The following TTLL11 variants were observed in gnomAD, a reference collection of about 807,000 sequenced individuals.
TTLL11 encodes the protein tubulin tyrosine ligase like 11.
Under a neutral mutation model 51.7 loss-of-function variants are expected in TTLL11, and 42 were observed. The ratio of observed to expected loss-of-function variants is 0.81; its 90% CI spans 0.64 to 1.05. The LOEUF is 1.05. Among genes scored for constraint, TTLL11 ranks in the 50% least tolerant of loss-of-function variants. The pLI is 0.00. For missense variants in TTLL11, 799 were observed against 940.4 expected, an observed-to-expected ratio of 0.85 and a Z score of 1.97; for synonymous variants, 381 against 383.5, an observed-to-expected ratio of 0.99 and a Z score of 0.08.
At chr9:122,005,580 C>T (rs1843618304) in intron 3 of TTLL11, among the ~76,000 whole-genome samples, 1 of 152,204 alleles carries the variant, frequency 6.6e-6, no homozygotes, top group South Asian at 2.1e-4. Flanking sequence ...GAACTCAGGC[C>T]ACTTCCCCAG....
At chr9:121,917,609 GAGGGAGGGAAGGGGAGGGAAGGGAGGGA>G (rs1840385199) in intron 6 of TTLL11, among the ~76,000 whole-genome samples, 1 of 142,856 alleles carries the variant, frequency 7.0e-6, no homozygotes, top group African/African-American at 2.6e-5. Context: ...AGAAGGAAGG[GAGGGAGGGAAGGGGAGGGAAGGGAGGGA>G]AGGGAGGGAA....
intron 3 of TTLL11, among the ~76,000 whole-genome samples, chr9:122,021,588 T>C (rs1385362268): frequency 6.6e-6 from 1 of 152,124 alleles, no homozygotes; most frequent in African/African-American, 2.4e-5. Context: ...CATAAGACTG[T>C]TGCTTGAGTA....
At chr9:121,898,805 A>G (rs540192417) in intron 6 of TTLL11, among the ~76,000 whole-genome samples, 2 of 152,252 alleles carry the variant, frequency 1.3e-5, no homozygotes, top group African/African-American at 4.8e-5. Flanking sequence ...AGCCACATAC[A>G]TGGTTTAGAC....
chr9:121,998,124 C>A (rs1843336428), intron 3 of TTLL11, among the ~76,000 whole-genome samples: 1 of 152,174 alleles, frequency 6.6e-6, no homozygotes, highest in African/African-American at 2.4e-5. Flanking sequence ...GCTACATAAT[C>A]TTCAGCTCAC....
chr9:121,997,656 T>C (rs1843317965), intron 3 of TTLL11, among the ~76,000 whole-genome samples: 1 of 152,232 alleles, frequency 6.6e-6, no homozygotes, highest in East Asian at 1.9e-4. Flanking sequence ...TTGGCCAAGC[T>C]ACTTACTCCC....
intron 8 of TTLL11, among the ~76,000 whole-genome samples, chr9:121,845,900 T>C (rs1837502165): frequency 6.6e-6 from 1 of 152,186 alleles, no homozygotes; most frequent in South Asian, 2.1e-4. Context: ...GTTACAAACA[T>C]TGATAGGTAT....
At chr9:121,855,028 G>GTCTGACAGAAT (rs1837772926) in intron 8 of TTLL11, among the ~76,000 whole-genome samples, 1 of 152,202 alleles carries the variant, frequency 6.6e-6, no homozygotes, top group African/African-American at 2.4e-5. Context: ...TTCTGACAGA[G>GTCTGACAGAAT]GTGAAGGCAA....
chr9:121,879,186 G>GGCC (rs2131413122), intron 6 of TTLL11, among the ~76,000 whole-genome samples: 1 of 152,164 alleles, frequency 6.6e-6, no homozygotes, highest in Non-Finnish European at 1.5e-5. Flanking sequence ...CATCTCAAGG[G>GGCC]GCCCACTGTC....
intron 6 of TTLL11, among the ~76,000 whole-genome samples, chr9:121,959,669 C>CA (rs369837183): frequency 2.2e-4 from 33 of 152,316 alleles, no homozygotes; most frequent in Middle Eastern, 3.4e-3. Context: ...GTAACTGTCC[C>CA]ACAGCCACCC....
At chr9:122,015,618 G>A (rs1843938819) in intron 3 of TTLL11, among the ~76,000 whole-genome samples, 2 of 152,076 alleles carry the variant, frequency 1.3e-5, no homozygotes, top group Non-Finnish European at 2.9e-5. Context: ...GATGTGTGTG[G>A]CTGAAGGTTG....
intron 3 of TTLL11, among the ~76,000 whole-genome samples, chr9:122,020,611 G>GGACTGAA (rs1340637377): frequency 5.3e-5 from 8 of 152,244 alleles, no homozygotes; most frequent in African/African-American, 1.9e-4. Context: ...CTATATGCTT[G>GGACTGAA]TGTTCCCACC....
Position 121,902,315 on chromosome 9 carries a change from A to C in TTLL11, c.1482-31567T>G, listed in dbSNP as rs116901023. Among the ~76,000 whole-genome samples, 794 of 152,338 alleles carry C rather than the reference A, an allele frequency of 5.2e-3. 6 individuals carry two copies. Among genetic ancestry groups the C allele is most frequent in the Non-Finnish European group, 7.6e-3 (515 of 68,028 alleles). ...CTGGACTTCACTATTCTTTAAGAAC[A>C]TCCTTTTAAGTTACCAGAGTGCACA... On this transcript the variant is annotated intron_variant, in intron 6 of 8. Coordinates refer to ENST00000321582, the MANE Select transcript of TTLL11 (RefSeq NM_001139442.2).
At chr9:121,915,980 GACACACACATACACAC>G (rs1209848264) in intron 6 of TTLL11, among the ~76,000 whole-genome samples, 57 of 98,698 alleles carry the variant, frequency 5.8e-4, no homozygotes, top group Admixed American at 1.6e-3. Context: ...TATAGACAAA[GACACACACATACACAC>G]ACACACACAC....
chr9:121,926,521 A>G (rs1806675), intron 6 of TTLL11, among the ~76,000 whole-genome samples: 11,764 of 152,272 alleles, frequency 0.077, 665 homozygotes, highest in African/African-American at 0.16. Flanking sequence ...TGAGGACGGC[A>G]CAGCCCTGGA....
intron 6 of TTLL11, among the ~76,000 whole-genome samples, chr9:121,911,866 C>T (rs945716060): frequency 1.3e-5 from 2 of 152,026 alleles, no homozygotes; most frequent in Non-Finnish European, 2.9e-5. Flanking sequence ...ATCACCATGG[C>T]ACATGTATAC....
chr9:121,831,941 G>A (rs942929909), intron 8 of TTLL11, among the ~76,000 whole-genome samples: 4 of 152,096 alleles, frequency 2.6e-5, no homozygotes, highest in Non-Finnish European at 4.4e-5. Flanking sequence ...TGCCAGCACG[G>A]TCATGTTCTG....
At chr9:121,867,809 T>A (rs930977479) in intron 7 of TTLL11, among the ~76,000 whole-genome samples, 5 of 152,112 alleles carry the variant, frequency 3.3e-5, no homozygotes, top group African/African-American at 1.2e-4. Flanking sequence ...TACGAAAACA[T>A]TACATTTGAT....
chr9:122,015,940 G>T (rs965580373), intron 3 of TTLL11, among the ~76,000 whole-genome samples: 23 of 152,098 alleles, frequency 1.5e-4, no homozygotes, highest in Non-Finnish European at 2.8e-4. Flanking sequence ...AATGATGAAT[G>T]AAACCCATCT....
At chr9:122,073,422 A>G (rs1405243050) in intron 1 of TTLL11, among the ~76,000 whole-genome samples, 1 of 152,196 alleles carries the variant, frequency 6.6e-6, no homozygotes, top group South Asian at 2.1e-4. Context: ...AAAATGAAAT[A>G]AAATAAAATA....
Sources: allele counts gnomAD v4.1 joint callset (sites outside exome capture counted in the v4.1 genomes callset), GRCh38; gene constraint gnomAD v4.1.1; transcripts MANE v1.5; gene names NCBI Gene and HGNC (gene_info 2026-07-23, HGNC 2026-07-21).